The following MUC5B variants were observed in gnomAD, a reference collection of about 807,000 sequenced individuals.
The protein encoded by MUC5B is mucin 5B, oligomeric mucus/gel-forming.
Under a neutral mutation model 376.9 loss-of-function variants are expected in MUC5B, and 116 were observed. The ratio of observed to expected loss-of-function variants is 0.31; its 90% confidence interval spans 0.26 to 0.36. MUC5B has a LOEUF of 0.36. MUC5B is among the 10% of genes least tolerant of loss of function. The pLI is 1.00. For synonymous variants in MUC5B, 3,517 were observed against 3,390.9 expected, an observed-to-expected ratio of 1.04 and a Z score of -1.29; for missense variants, 7,165 against 7,769.9, an observed-to-expected ratio of 0.92 and a Z score of 2.93.
intron 26 of MUC5B, 141 bp downstream of exon 26, chr11:1,239,168 C>G (rs1862222834): frequency 1.8e-6 from 2 of 1,121,634 alleles, no homozygotes; most frequent in South Asian, 2.8e-5. Context: ...TGTGAGTGCA[C>G]AAGTTTCTAT....
rs200460096 is a variant in MUC5B at position 1,243,453 on chromosome 11, G to A, written c.6573G>A (p.Pro2191=). 4.7e-5 allele frequency: 68 copies of A among 1,449,012 alleles called. 14 individuals carry two copies. The highest frequency in any genetic ancestry group is 2.9e-4 in the African/African-American group (20 of 68,478). The allele number at this position is 1,449,012 out of a possible 1,614,324, so 89.8% of individuals were successfully genotyped here. The change falls in exon 31 of 49, where the codon CCG becomes CCA. Residue 2191 remains proline (P), a synonymous_variant. Coordinates refer to ENST00000529681, the MANE Select transcript of MUC5B (RefSeq NM_002458.3). ...GGACCACCCACACACCCCCAGTGCC[G>A]AACACCATGGCCACCACACACGGGC... is the stretch of plus-strand genomic sequence containing the variant. ...ALGTTHTPPV[P]NTMATTHGRS... is the part of the protein sequence containing the mutation.
In MUC5B at chr11:1,227,237, G is replaced by A. The variant is rs1861909504; in HGVS notation, c.577-71G>A. On this transcript the variant is annotated intron_variant, in intron 5 of 48. Transcript: ENST00000529681. ...GATGCCTCCCTGGGCTTGGGGTCAC[G>A]GGGCTTGGGGCATGTTGCCAGTGTG... 13 of 1,566,904 alleles carry A rather than the reference G, an allele frequency of 8.3e-6. 1 individual carries two copies. Among genetic ancestry groups the A allele is most frequent in the Middle Eastern group, 1.7e-4 (1 of 5,988 alleles).
In MUC5B at chr11:1,241,869, A is replaced by G; in HGVS notation, c.4989A>G (p.Thr1663=). 1 of 1,612,980 alleles carries G rather than the reference A, an allele frequency of 6.2e-7. No individual in the cohort carries two copies. Among genetic ancestry groups the G allele is most frequent in the Non-Finnish European group, 8.5e-7 (1 of 1,179,592 alleles). The change falls in exon 31 of 49, where the codon ACA becomes ACG. Residue 1663 remains threonine, a synonymous_variant. Coordinates refer to ENST00000529681, the MANE Select transcript of MUC5B (RefSeq NM_002458.3). ...LSEGLTSPRY[T]STLGTATTGG... is the part of the protein sequence containing the mutation. The stretch of plus-strand genomic sequence containing the variant: ...AAGGACTGACATCCCCCAGATACAC[A>G]AGCACCCTTGGTACAGCCACCACGG...
At position 1,259,031 on chromosome 11, in the gene MUC5B, G is replaced by C. The variant is rs1862923767; in HGVS notation, c.16683G>C (p.Glu5561Asp). Residue 5561 changes from glutamate to aspartate, a missense_variant, in exon 44 of 49, where the codon GAG (glutamate) becomes GAC (aspartate). By Grantham distance (45) the Glu-to-Asp change is conservative. Coordinates refer to ENST00000529681, the MANE Select transcript of MUC5B (RefSeq NM_002458.3). ...AGGACCCAACGGTGCAATGTCAGGA[G>C]GATGCCTGCAACAATACTACCTGTC... ...DTQDPTVQCQ[E>D]DACNNTTCPQ... 1 of 1,556,420 alleles carries C rather than the reference G, an allele frequency of 6.4e-7. No individual in the cohort carries two copies. The highest frequency in any genetic ancestry group is 8.7e-7 in the Non-Finnish European group (1 of 1,150,830).
Position 1,246,109 on chromosome 11 carries a change from A to T in MUC5B, c.9229A>T (p.Thr3077Ser). Reference sequence around the variant, plus strand: ...CATCCCCTCCTTCACCCTTGGGACCACCGGGACCCTCCCAGAACAGACCAC... The same window carrying T: ...CATCCCCTCCTTCACCCTTGGGACCTCCGGGACCCTCCCAGAACAGACCAC... ...TPIPSFTLGT[T>S]GTLPEQTTTP... is the part of the protein sequence containing the mutation. Residue 3077 changes from threonine to serine, a missense_variant, in exon 31 of 49, where the codon ACC (threonine) becomes TCC (serine). Around this residue, in one of 31 missense-constraint regions of MUC5B, gnomAD observed 939 missense variants for 770.6 expected, o/e 1.22. Coordinates refer to ENST00000529681, the MANE Select transcript of MUC5B (RefSeq NM_002458.3). 2 of 1,612,502 alleles carry T rather than the reference A, an allele frequency of 1.2e-6. No homozygotes were observed. Among genetic ancestry groups the T allele is most frequent in the Non-Finnish European group, 1.7e-6 (2 of 1,179,470 alleles).
At chr11:1,238,036 C>T (rs116963885) in intron 25 of MUC5B, among the ~76,000 whole-genome samples, 3,952 of 152,272 alleles carry the variant, frequency 0.026, 66 homozygotes, top group Non-Finnish European at 0.033. Flanking sequence ...ACTCTCATGT[C>T]GGCCGCCGCT....
chr11:1,232,504 C>T lies in MUC5B; in HGVS notation c.1898C>T (p.Ser633Leu), dbSNP rs757830332. 6.2e-6 allele frequency: 10 copies of T among 1,610,764 alleles called. No individual in the cohort carries two copies. The highest frequency in any genetic ancestry group is 1.7e-5 in the Admixed American group (1 of 59,844). The change falls in exon 16 of 49, where the codon TCG becomes TTG. Residue 633 changes from serine (S) to leucine (L), a missense_variant. By Grantham distance (145) the Ser-to-Leu change is moderately radical. Around this residue, in one of 31 missense-constraint regions of MUC5B, gnomAD observed 530 missense variants for 604.0 expected, o/e 0.88. Coordinates refer to ENST00000529681, the MANE Select transcript of MUC5B (RefSeq NM_002458.3). The stretch of plus-strand genomic sequence containing the variant: ...CTGACCGATCCCAACAGTGCCTTCT[C>T]GCGCTGCCACTCCATCATCAACCCC... The part of the protein sequence containing the change: ...SRLTDPNSAF[S>L]RCHSIINPKP...
chr11:1,240,778 T>C (rs1862262372), intron 30 of MUC5B, 73 bp from the exon 31 acceptor site: 2 of 1,402,682 alleles, frequency 1.4e-6, no homozygotes, highest in South Asian at 2.9e-5. Context: ...AAGGGTCCTC[T>C]GGGGCCCCTC....
At position 1,249,083 on chromosome 11, in the gene MUC5B, G is replaced by C; in HGVS notation, c.12203G>C (p.Ser4068Thr). 1 of 1,609,250 alleles carries C rather than the reference G, an allele frequency of 6.2e-7. No homozygotes were observed. The highest frequency in any genetic ancestry group is 8.5e-7 in the Non-Finnish European group (1 of 1,179,100). Reference protein sequence around the residue: ...TTQHSTPALSSPHPSSRTTES... With the variant: ...TTQHSTPALSTPHPSSRTTES... ...CAGCACTCGACTCCAGCCCTGTCCA[G>C]CCCTCACCCTAGCAGCAGGACCACC... Residue 4068 changes from serine to threonine, a missense_variant, in exon 31 of 49, where the codon AGC (serine) becomes ACC (threonine). Ser to Thr is a moderately conservative substitution (Grantham distance 58). This residue lies in a region of MUC5B where 85 missense variants were observed against 78.2 expected (regional missense o/e 1.09). Coordinates refer to ENST00000529681, the MANE Select transcript of MUC5B (RefSeq NM_002458.3).
chr11:1,248,985 C>G lies in MUC5B; in HGVS notation c.12105C>G (p.Thr4035=), dbSNP rs200293445. 29 of 1,607,984 alleles carry G rather than the reference C, an allele frequency of 1.8e-5. No individual in the cohort carries two copies. The South Asian group carries it at 3.2e-4, about 18-fold the overall frequency. ...CCTGGACTTCGGCCACCTCAGGCAC[C>G]TTGGGCACCACCCACATCACAGAGC... ...RTAWTSATSG[T]LGTTHITEPS... is the part of the protein sequence containing the mutation. The change falls in exon 31 of 49, where the codon ACC becomes ACG. Residue 4035 remains threonine (T), a synonymous_variant. Transcript: ENST00000529681.
Position 1,252,573 on chromosome 11 carries a change from G to A in MUC5B, c.15045+49G>A, listed in dbSNP as rs779043604. 19 of 1,467,490 alleles carry A rather than the reference G, an allele frequency of 1.3e-5. No homozygotes were observed. The Middle Eastern group carries it at 6.8e-4, about 53-fold the overall frequency. 90.9% of individuals were successfully genotyped at this position (1,467,490 alleles called of 1,614,324 possible). A position where few individuals can be genotyped will look rare whatever the true frequency, so the allele number is the denominator to read the frequency against. ...TCCCGTGCTGCGTGCACACGGTCTG[G>A]GTTGGCTGGAGGCACAGCCACAGTC... On this transcript the variant is annotated intron_variant, in intron 32 of 48. Transcript: ENST00000529681.
rs1862399057 is a variant in MUC5B, at chr11:1,244,659, G to C, written c.7779G>C (p.Val2593=). The C allele has an allele frequency of 6.2e-7, 1 of 1,610,794 alleles. No individual in the cohort carries two copies. The change falls in exon 31 of 49, where the codon GTG becomes GTC. Residue 2593 remains valine (V), a synonymous_variant. Coordinates refer to ENST00000529681, the MANE Select transcript of MUC5B (RefSeq NM_002458.3). ...TATTTGATGS[V]ATPSSTPGTA... The stretch of plus-strand genomic sequence containing the variant: ...CCACAACCGGGGCCACCGGCTCTGT[G>C]GCCACCCCCTCCTCCACCCCAGGAA...
chr11:1,256,110 GC>G (rs750308465), intron 37 of MUC5B, 45 bp from the exon 38 acceptor site: 14 of 708,784 alleles, frequency 2.0e-5, no homozygotes, highest in South Asian at 3.0e-5. Flanking sequence ...GCGGCCCTGG[GC>G]CCCCCCAACC....
chr11:1,259,381 C>T, intron 44 of MUC5B: 1 of 487,134 alleles, frequency 2.1e-6, no homozygotes, highest in South Asian at 2.2e-5. Flanking sequence ...GCAGACCCAG[C>T]CCTGAGTCAC....
Position 1,249,738 on chromosome 11 carries a change from C to G in MUC5B, c.12858C>G (p.Ala4286=). 1 of 1,612,228 alleles carries G rather than the reference C, an allele frequency of 6.2e-7. No individual in the cohort carries two copies. The highest frequency in any genetic ancestry group is 8.5e-7 in the Non-Finnish European group (1 of 1,178,948). ...CTCCCAAAGTGCTGACCAGCCCGGC[C>G]ACCACACCCACAGCCACCAGTTCCA... is the stretch of plus-strand genomic sequence containing the variant. ...APPPKVLTSP[A]TTPTATSSKA... The change falls in exon 31 of 49, where the codon GCC becomes GCG. Residue 4286 remains alanine, a synonymous_variant. Transcript: ENST00000529681.
In MUC5B at chr11:1,229,379, G is replaced by A. The variant is rs1001306324; in HGVS notation, c.1102+84G>A. 10 of 1,403,236 alleles carry A rather than the reference G, an allele frequency of 7.1e-6. 1 individual carries two copies. In the Admixed American group the frequency reaches 1.7e-4, roughly 24 times the overall value. The allele number at this position is 1,403,236 out of a possible 1,614,324, so 86.9% of individuals were successfully genotyped here. ...GCCCCCAGCCTCATCAGGCGTGGAAGCAGAGCCCCTCATGCCAGAAGGTCC... is the reference window on the plus strand; with the variant it reads ...GCCCCCAGCCTCATCAGGCGTGGAAACAGAGCCCCTCATGCCAGAAGGTCC... On this transcript the variant is annotated intron_variant, in intron 9 of 48. Coordinates refer to ENST00000529681, the MANE Select transcript of MUC5B (RefSeq NM_002458.3).
chr11:1,249,488 A>G lies in MUC5B; in HGVS notation c.12608A>G (p.Asn4203Ser). 6.2e-7 allele frequency: 1 copy of G among 1,611,496 alleles called. No homozygotes were observed. Among genetic ancestry groups the G allele is most frequent in the South Asian group, 1.1e-5 (1 of 90,996 alleles). ...CTGGACTTTGGCCTGGTCTGCAGGA[A>G]CCGTGAGCAGGTGGGGAAGTTCAAG... is the stretch of plus-strand genomic sequence containing the variant. ...CSLDFGLVCR[N>S]REQVGKFKMC... Residue 4203 changes from asparagine (N) to serine (S), a missense_variant, in exon 31 of 49, where the codon AAC (asparagine) becomes AGC (serine). By Grantham distance (46) the Asn-to-Ser change is conservative (BLOSUM62 1). Coordinates refer to ENST00000529681, the MANE Select transcript of MUC5B (RefSeq NM_002458.3).
chr11:1,232,562 GACC>G lies in MUC5B; in HGVS notation c.1938+19_1938+21del. On this transcript the variant is annotated intron_variant, in intron 16 of 48. Transcript: ENST00000529681. Reference sequence around the variant, plus strand: ...TCCACTCGGTGAGAGGCTGAGGCCAGACCCCCACGCCTGGGCAGGATGGGTGGG... The same window carrying G: ...TCCACTCGGTGAGAGGCTGAGGCCAGCCCACGCCTGGGCAGGATGGGTGGG... 6.2e-7 allele frequency: 1 copy of G among 1,606,960 alleles called. No homozygotes were observed. The highest frequency in any genetic ancestry group is 8.5e-7 in the Non-Finnish European group (1 of 1,177,510).
intron 25 of MUC5B, 113 bp downstream of exon 25, chr11:1,237,277 G>T: frequency 8.1e-7 from 1 of 1,235,844 alleles, no homozygotes; most frequent in Non-Finnish European, 1.0e-6. Context: ...GTCTGACCAT[G>T]TCCCACGGCA....
Sources: gnomAD v4.1 joint callset for allele counts (sites outside exome capture counted in the v4.1 genomes callset) on GRCh38, gnomAD v4.1.1 for gene constraint, gnomAD v4.1.1 regional missense constraint, MANE v1.5 for transcripts, NCBI Gene and HGNC (gene_info 2026-07-23, HGNC 2026-07-21) for gene names.